The following ADPRM variants were observed in gnomAD, a reference collection of about 807,000 sequenced individuals.
ADPRM encodes the protein manganese-dependent ADP-ribose/CDP-alcohol diphosphatase.
A neutral mutation model predicts 27.2 loss-of-function variants in ADPRM; 17 were observed. The observed-to-expected ratio is 0.63, with a 90% CI of 0.43 to 0.94. ADPRM has a LOEUF of 0.94. ADPRM is among the 40% of genes least tolerant of loss of function. The probability of loss-of-function intolerance (pLI) is 0.00; values close to 1 mark genes in which losing one functional copy is unlikely to be tolerated. For missense variants in ADPRM, 337 were observed against 412.8 expected (o/e 0.82, Z 1.59); for synonymous variants, 135 against 145.3 (o/e 0.93, Z 0.51).
intron 3 of ADPRM, among the ~76,000 whole-genome samples, chr17:10,707,974 TAG>T (rs1345836615): frequency 2.0e-5 from 3 of 152,064 alleles, no homozygotes; most frequent in African/African-American, 7.2e-5. Context: ...ACCCTTGGTT[TAG>T]AGTTAGAATT....
At chr17:10,709,920 A>G (rs2074839981) in intron 3 of ADPRM, among the ~76,000 whole-genome samples, 2 of 152,184 alleles carry the variant, frequency 1.3e-5, no homozygotes, top group South Asian at 2.1e-4. Context: ...ACTTCCACGT[A>G]TCTCCTGTGG....
At chr17:10,707,676 T>A (rs965458129) in intron 3 of ADPRM, among the ~76,000 whole-genome samples, 33 of 152,222 alleles carry the variant, frequency 2.2e-4, no homozygotes, top group African/African-American at 7.7e-4. Context: ...CAGAGGCCAC[T>A]GCTGCCCAGA....
At chr17:10,710,541 T>C (rs768731179) in intron 3 of ADPRM, among the ~76,000 whole-genome samples, 9 of 152,206 alleles carry the variant, frequency 5.9e-5, no homozygotes, top group Non-Finnish European at 8.8e-5. Context: ...ACCCTTGATC[T>C]TCCTCGGTGT....
intron 3 of ADPRM, among the ~76,000 whole-genome samples, chr17:10,707,152 A>G (rs1237227200): frequency 6.6e-6 from 1 of 152,094 alleles, no homozygotes; most frequent in African/African-American, 2.4e-5. Flanking sequence ...ACTTGACTCA[A>G]AATTAAGAAC....
chr17:10,700,130 C>T (rs1027021424), intron 1 of ADPRM, among the ~76,000 whole-genome samples: 1 of 152,180 alleles, frequency 6.6e-6, no homozygotes, highest in Non-Finnish European at 1.5e-5. Flanking sequence ...GGCTAGGAGC[C>T]TCTGTTACAA....
In ADPRM at chr17:10,697,598, G is replaced by T; in HGVS notation, c.-87G>T. ...GAAGTCGGAAGGAGTCGCTCTGTCCGTCCCGCTCGTTGGTGGCGCTGTTAC... is the reference window on the plus strand; with the variant it reads ...GAAGTCGGAAGGAGTCGCTCTGTCCTTCCCGCTCGTTGGTGGCGCTGTTAC... On this transcript the variant is annotated 5_prime_UTR_variant, in exon 1 of 4. Transcript: ENST00000379774. The T allele has an allele frequency of 2.7e-6, 4 of 1,502,396 alleles. No individual in the cohort carries two copies. The highest frequency in any genetic ancestry group is 3.7e-6 in the Non-Finnish European group (4 of 1,090,876). 93.1% of individuals were successfully genotyped at this position (1,502,396 alleles called of 1,614,324 possible).
chr17:10,707,773 C>T (rs2074822802), intron 3 of ADPRM, among the ~76,000 whole-genome samples: 1 of 152,154 alleles, frequency 6.6e-6, no homozygotes, highest in Non-Finnish European at 1.5e-5. Context: ...CACACAGTCA[C>T]AAGGAAGTTA....
rs369477322 is a variant in ADPRM, at chr17:10,705,357, C to A, written c.431C>A (p.Ser144Ter). The A allele has an allele frequency of 5.0e-6, 8 of 1,613,992 alleles. No homozygotes were observed. The highest frequency in any genetic ancestry group is 6.8e-6 in the Non-Finnish European group (8 of 1,180,002). Residue 144 changes from serine (S) to a stop codon, truncating the protein, a stop_gained, in exon 2 of 4, where the codon TCA becomes TAA. Transcript: ENST00000379774. LOFTEE classifies it high-confidence loss of function. This position sits in a 1 kb window ranked among gnomAD's most constrained non-coding sequence, Gnocchi z 5.4. ...GTACATCATCCTGAGACCATGCCTT[C>A]AGAAGATTATTATGCTTATCATTTT... ...QIVHHPETMPSEDYYAYHFVP... is the reference protein window; with the variant it reads ...QIVHHPETMP
At chr17:10,709,722 T>C (rs925522829) in intron 3 of ADPRM, among the ~76,000 whole-genome samples, 3 of 68,664 alleles carry the variant, frequency 4.4e-5, no homozygotes, top group African/African-American at 2.4e-4. Context: ...ATGTATGCAC[T>C]TTAAAAAAAA....
At chr17:10,704,514 G>GTTTTGATAGAA (rs965678697) in intron 1 of ADPRM, among the ~76,000 whole-genome samples, 4 of 150,168 alleles carry the variant, frequency 2.7e-5, no homozygotes, top group African/African-American at 9.8e-5. Context: ...AAAACTTGAA[G>GTTTTGATAGAA]TTTTGATAGA....
chr17:10,707,886 G>A (rs546089630), intron 3 of ADPRM, among the ~76,000 whole-genome samples: 1 of 152,204 alleles, frequency 6.6e-6, no homozygotes, highest in Non-Finnish European at 1.5e-5. Flanking sequence ...TGTGCGCATG[G>A]GCACGTGAAA....
Position 10,705,089 on chromosome 17 carries a change from G to A in ADPRM, c.163G>A (p.Ala55Thr). 6.2e-7 allele frequency: 1 copy of A among 1,614,144 alleles called. No homozygotes were observed. The highest frequency in any genetic ancestry group is 8.5e-7 in the Non-Finnish European group (1 of 1,180,016). Residue 55 changes from alanine to threonine, a missense_variant, in exon 2 of 4, where the codon GCC becomes ACC. Coordinates refer to ENST00000379774, the MANE Select transcript of ADPRM (RefSeq NM_020233.5). This position sits in a 1 kb window ranked among gnomAD's most constrained non-coding sequence, Gnocchi z 5.4. ...ACATAGTCTTCTTCACTTACAGGGT[G>A]CCATTGAAGACTGGAATAATGAAAG... is the stretch of plus-strand genomic sequence containing the variant. ...YRHSLLHLQG[A>T]IEDWNNESSM...
Position 10,706,414 on chromosome 17 carries a change from GCTAA to G in ADPRM, c.602-21_602-18del. 2 of 1,530,520 alleles carry G rather than the reference GCTAA, an allele frequency of 1.3e-6. No individual in the cohort carries two copies. Among genetic ancestry groups the G allele is most frequent in the Non-Finnish European group, 1.8e-6 (2 of 1,118,302 alleles). 94.8% of individuals were successfully genotyped at this position (1,530,520 alleles called of 1,614,324 possible). On this transcript the variant is annotated intron_variant, in intron 2 of 3. Coordinates refer to ENST00000379774, the MANE Select transcript of ADPRM (RefSeq NM_020233.5). Reference sequence around the variant, plus strand: ...ATGAGGGGAAAAATGACTTGATGGGGCTAACTTACTGAATTCATTTCAGGACTTT... The same window carrying G: ...ATGAGGGGAAAAATGACTTGATGGGGCTTACTGAATTCATTTCAGGACTTT...
intron 1 of ADPRM, 25 bp from the exon 2 acceptor site, chr17:10,704,885 G>A: frequency 6.8e-7 from 1 of 1,475,086 alleles, no homozygotes; most frequent in Non-Finnish European, 9.1e-7. Context: ...TTATAATTTA[G>A]TTATCGTCTT....
chr17:10,703,597 G>GT (rs2074793901), intron 1 of ADPRM, among the ~76,000 whole-genome samples: 1 of 152,128 alleles, frequency 6.6e-6, no homozygotes, highest in African/African-American at 2.4e-5. Flanking sequence ...TTGTGGAGTT[G>GT]TTCTTTTCAT....
rs2520151 is a variant in ADPRM, at chr17:10,702,058, A to C, written c.-17-2852A>C. 0.52 allele frequency among the ~76,000 whole-genome samples: 78,770 copies of C among 152,074 alleles called. 21,595 individuals are homozygous for C. The highest frequency in any genetic ancestry group is 0.7 in the African/African-American group (29,096 of 41,512). Reference sequence around the variant, plus strand: ...CAACATGAAGCTCAAAGGAAATGTTAATTGGAGCATTTTGGATTTTGGATT... The same window carrying C: ...CAACATGAAGCTCAAAGGAAATGTTCATTGGAGCATTTTGGATTTTGGATT... On this transcript the variant is annotated intron_variant, in intron 1 of 3. Coordinates refer to ENST00000379774, the MANE Select transcript of ADPRM (RefSeq NM_020233.5). The surrounding 1 kb of genome is among the most constrained non-coding windows in gnomAD (Gnocchi z 4.2).
intron 1 of ADPRM, among the ~76,000 whole-genome samples, chr17:10,699,951 C>T (rs925202104): frequency 4.6e-5 from 7 of 152,202 alleles, no homozygotes; most frequent in African/African-American, 1.2e-4. Flanking sequence ...TGACTGGGGA[C>T]AGCTAGGCCC....
At chr17:10,706,642 G>A (rs1237099551) in intron 3 of ADPRM, 88 bp downstream of exon 3, 6 of 904,338 alleles carry the variant, frequency 6.6e-6, no homozygotes, top group Admixed American at 3.2e-5. Flanking sequence ...TTTGTGTTTC[G>A]ATATCCTCTT....
chr17:10,698,900 T>TAA (rs1263921466), intron 1 of ADPRM: 1 of 152,204 alleles, frequency 6.6e-6, no homozygotes, highest in African/African-American at 2.4e-5. Context: ...CAAAAAGACA[T>TAA]AAAAGTACCT....
Sources: allele counts gnomAD v4.1 joint callset (sites outside exome capture counted in the v4.1 genomes callset), GRCh38; gene constraint gnomAD v4.1.1; non-coding constraint Gnocchi (gnomAD v3.1); transcripts MANE v1.5; gene names NCBI Gene and HGNC (gene_info 2026-07-23, HGNC 2026-07-21).